The following PDE4B variants were observed in gnomAD, a reference collection of about 807,000 sequenced individuals.
PDE4B encodes the protein 3',5'-cyclic-AMP phosphodiesterase 4B.
Under a neutral mutation model 82.2 loss-of-function variants are expected in PDE4B, and 20 were observed. That is an observed-to-expected ratio of 0.24 (90% CI 0.17 to 0.35). The LOEUF is 0.35. PDE4B is among the 10% of genes least tolerant of loss of function. PDE4B has a pLI of 1.00. For synonymous variants in PDE4B, 320 were observed against 318.9 expected, an observed-to-expected ratio of 1.00 and a Z score of -0.04; for missense variants, 655 against 907.2, an observed-to-expected ratio of 0.72 and a Z score of 3.57.
intron 3 of PDE4B, among the ~76,000 whole-genome samples, chr1:66,128,305 CTTTAT>C (rs1645865572): frequency 6.6e-6 from 1 of 152,128 alleles, no homozygotes; most frequent in Non-Finnish European, 1.5e-5. Context: ...CAAAGGAACA[CTTTAT>C]TTTATTTTTG....
intron 1 of PDE4B, among the ~76,000 whole-genome samples, chr1:65,911,470 G>A (rs11208768): frequency 0.011 from 1,717 of 150,232 alleles, 34 homozygotes; most frequent in African/African-American, 0.038. Context: ...TATATCCTGC[G>A]TTTAAAACAC....
intron 1 of PDE4B, among the ~76,000 whole-genome samples, chr1:65,880,555 A>G (rs1196847433): frequency 6.6e-6 from 1 of 152,172 alleles, no homozygotes; most frequent in African/African-American, 2.4e-5. Flanking sequence ...TATGCATGAG[A>G]TTAATGCCTT....
At chr1:66,148,462 A>C (rs1256487910) in intron 3 of PDE4B, among the ~76,000 whole-genome samples, 1 of 152,068 alleles carries the variant, frequency 6.6e-6, no homozygotes, top group Non-Finnish European at 1.5e-5. Context: ...CTTACTTTCT[A>C]TAGTTTGTTG....
At chr1:66,202,737 G>T (rs1649115675) in intron 3 of PDE4B, among the ~76,000 whole-genome samples, 1 of 152,050 alleles carries the variant, frequency 6.6e-6, no homozygotes, top group South Asian at 2.1e-4. Flanking sequence ...GAGTCTACGT[G>T]TGTCTCGGCA....
chr1:65,987,026 G>A (rs548133133), intron 3 of PDE4B, among the ~76,000 whole-genome samples: 20 of 152,172 alleles, frequency 1.3e-4, no homozygotes, highest in Non-Finnish European at 2.6e-4. Context: ...AAGAACTAGG[G>A]GGAGAGTTGA....
chr1:65,850,276 T>C (rs1032367283), intron 1 of PDE4B, among the ~76,000 whole-genome samples: 9 of 151,914 alleles, frequency 5.9e-5, no homozygotes, highest in African/African-American at 1.2e-4. Context: ...TTTGTATTTT[T>C]AGTAGAGATG....
At position 66,363,211 on chromosome 1, in the gene PDE4B, T is replaced by C. The variant is rs528809502; in HGVS notation, c.1064T>C (p.Val355Ala). The change falls in exon 11 of 17, where the codon GTG (valine) becomes GCG (alanine). Residue 355 changes from valine (V) to alanine (A), a missense_variant. Transcript: ENST00000341517. ...LNKWGLNIFNVAGYSHNRPLT... is the reference protein window; with the variant it reads ...LNKWGLNIFNAAGYSHNRPLT... ...AAATGGGGTCTTAACATCTTTAATG[T>C]GGCTGGATATTCTCACAATAGACCC... The C allele has an allele frequency of 1.2e-6, 2 of 1,613,236 alleles. No individual in the cohort carries two copies. The highest frequency in any genetic ancestry group is 2.2e-5 in the East Asian group (1 of 44,856).
At chr1:66,268,717 A>T (rs891286317) in intron 7 of PDE4B, among the ~76,000 whole-genome samples, 15 of 151,748 alleles carry the variant, frequency 9.9e-5, no homozygotes, top group Non-Finnish European at 2.1e-4. Context: ...TAAAGAAAGA[A>T]ATACCAGAAA....
intron 8 of PDE4B, among the ~76,000 whole-genome samples, chr1:66,348,625 A>G (rs1486031237): frequency 6.6e-6 from 1 of 151,684 alleles, no homozygotes; most frequent in East Asian, 1.9e-4. Context: ...CAATCTCTTC[A>G]TAGGCTATTT....
intron 4 of PDE4B, among the ~76,000 whole-genome samples, chr1:66,249,565 A>T (rs1191317278): frequency 1.3e-5 from 2 of 152,176 alleles, no homozygotes; most frequent in African/African-American, 4.8e-5. Flanking sequence ...AATCTACGGC[A>T]GTCAAAAAAG....
intron 3 of PDE4B, among the ~76,000 whole-genome samples, chr1:66,082,846 T>C (rs1317240125): frequency 1.3e-5 from 2 of 152,124 alleles, no homozygotes; most frequent in South Asian, 2.1e-4. Context: ...TAGGCATCTG[T>C]GAACAAGACA....
intron 3 of PDE4B, among the ~76,000 whole-genome samples, chr1:66,124,903 C>CTG (rs796790766): frequency 9.0e-5 from 10 of 110,926 alleles, no homozygotes; most frequent in African/African-American, 3.2e-4. Flanking sequence ...CCTGAACGAG[C>CTG]TGTGTGTGTG....
At chr1:65,883,872 G>A (rs1292668942) in intron 1 of PDE4B, among the ~76,000 whole-genome samples, 6 of 152,158 alleles carry the variant, frequency 3.9e-5, no homozygotes, top group Admixed American at 6.6e-5. Context: ...ATGAATGGCC[G>A]TTGAATTTTG....
At chr1:66,355,735 A>G (rs1662185147) in intron 9 of PDE4B, 115 bp downstream of exon 9, 1 of 557,700 alleles carries the variant, frequency 1.8e-6, no homozygotes, top group Non-Finnish European at 3.2e-6. Context: ...TCATAGAAAA[A>G]TCCATTTAAA....
rs200051041 is a variant in PDE4B, at chr1:66,090,615, T to A, written c.282-156845T>A. Among the ~76,000 whole-genome samples the A allele has an allele frequency of 2.1e-4, 8 of 38,498 alleles. No homozygotes were observed. The South Asian group carries it at 2.7e-3, about 13-fold the overall frequency. The allele number at this position is 38,498 out of a possible 152,430, so 25.3% of individuals were successfully genotyped here. ...ACAAAATTATATATATATATGTATA[T>A]AATATATGTGTGTGTGTGTGTGTGT... On this transcript the variant is annotated intron_variant, in intron 3 of 16. Transcript: ENST00000341517.
chr1:66,286,571 A>T lies in PDE4B; in HGVS notation c.634+20484A>T, dbSNP rs532056607. ...AAACAGTGGTGTTTGCTCTGTATAC[A>T]TTTGGGTTGGTTTTTCATCATTTCC... On this transcript the variant is annotated intron_variant, in intron 7 of 16. Transcript: ENST00000341517. Among the ~76,000 whole-genome samples the T allele has an allele frequency of 4.6e-5, 7 of 152,252 alleles. No individual in the cohort carries two copies. In the East Asian group the frequency reaches 1.3e-3, roughly 29 times the overall value.
intron 3 of PDE4B, among the ~76,000 whole-genome samples, chr1:66,157,115 G>T (rs902354885): frequency 4.6e-5 from 7 of 152,150 alleles, no homozygotes; most frequent in African/African-American, 1.7e-4. Flanking sequence ...TAATGCCAGT[G>T]CTCCCCTTCT....
chr1:66,192,534 G>A (rs111612024), intron 3 of PDE4B, among the ~76,000 whole-genome samples: 1,905 of 152,096 alleles, frequency 0.013, 34 homozygotes, highest in African/African-American at 0.044. Context: ...ATGAAACCCC[G>A]GAAGATCATG....
chr1:65,875,972 A>G (rs1366799139), intron 1 of PDE4B, among the ~76,000 whole-genome samples: 1 of 152,094 alleles, frequency 6.6e-6, no homozygotes, highest in African/African-American at 2.4e-5. Flanking sequence ...ATGGGGAAAA[A>G]AAAAGAAAGA....
Sources: gnomAD v4.1 joint callset for allele counts (sites outside exome capture counted in the v4.1 genomes callset) on GRCh38, gnomAD v4.1.1 for gene constraint, MANE v1.5 for transcripts, NCBI Gene and HGNC (gene_info 2026-07-23, HGNC 2026-07-21) for gene names.